The following RANBP2 variants were observed in gnomAD, a reference collection of about 807,000 sequenced individuals.
The protein encoded by RANBP2 is E3 SUMO-protein ligase RanBP2.
In RANBP2, 57 loss-of-function variants were observed where a neutral mutation model predicts 303.6. The ratio of observed to expected loss-of-function variants is 0.19; its 90% CI spans 0.15 to 0.23. The LOEUF is 0.23. Ranked by LOEUF, RANBP2 falls within the 10% of genes least tolerant of loss-of-function variation. The pLI is 1.00. For missense variants in RANBP2, 3,138 were observed against 3,780.8 expected, an observed-to-expected ratio of 0.83 and a Z score of 4.46; for synonymous variants, 1,167 against 1,301.5, an observed-to-expected ratio of 0.90 and a Z score of 2.23.
At chr2:108,890,045 C>G in the RANBP2 span, among the ~76,000 whole-genome samples, 4 of 151,936 alleles carry the variant, frequency 2.6e-5, no homozygotes, top group Non-Finnish European at 5.9e-5. Flanking sequence ...TAATGAATTC[C>G]CTCAGCATTT....
chr2:109,588,107 G>A, the RANBP2 span, among the ~76,000 whole-genome samples: 13 of 149,690 alleles, frequency 8.7e-5, no homozygotes, highest in African/African-American at 2.5e-4. Flanking sequence ...AATGCCCCCC[G>A]CCAAAAAAAA....
chr2:108,764,582 T>C lies in RANBP2; in HGVS notation c.4043T>C (p.Val1348Ala). 1 of 1,613,950 alleles carries C rather than the reference T, an allele frequency of 6.2e-7. No homozygotes were observed. The highest frequency in any genetic ancestry group is 8.5e-7 in the Non-Finnish European group (1 of 1,179,952). The change falls in exon 20 of 29, where the codon GTT (valine) becomes GCT (alanine). Residue 1348 changes from valine to alanine, a missense_variant. By Grantham distance (64) the Val-to-Ala change is moderately conservative. Around this residue, in one of 20 missense-constraint regions of RANBP2, gnomAD observed 388 missense variants for 328.5 expected, o/e 1.18. Transcript: ENST00000283195. Reference sequence around the variant, plus strand: ...GGAAACCTGAATTTTGAATTTCAGGTTGCAAAGAAAGAAGGGTCTTGGTGG... The same window carrying C: ...GGAAACCTGAATTTTGAATTTCAGGCTGCAAAGAAAGAAGGGTCTTGGTGG... ...DAGNLNFEFQ[V>A]AKKEGSWWHC...
chr2:109,493,470 T>C, the RANBP2 span, among the ~76,000 whole-genome samples: 2 of 149,690 alleles, frequency 1.3e-5, no homozygotes, highest in Non-Finnish European at 3.0e-5. Flanking sequence ...ACACTATACA[T>C]ACAAACACAT....
chr2:109,315,413 T>C, the RANBP2 span, among the ~76,000 whole-genome samples: 1 of 152,236 alleles, frequency 6.6e-6, no homozygotes, highest in Non-Finnish European at 1.5e-5. Context: ...TCTGTCCCTA[T>C]CTCTGTAGGA....
At position 108,765,262 on chromosome 2, in the gene RANBP2, T is replaced by A. The variant is rs1426621829; in HGVS notation, c.4723T>A (p.Ser1575Thr). Residue 1575 changes from serine to threonine, a missense_variant, in exon 20 of 29, where the codon TCT becomes ACT. By Grantham distance (58) the Ser-to-Thr change is moderately conservative. Transcript: ENST00000283195. ...TCAGAATCCGGATAAACCAAGTCCA[T>A]CTACTTCTGTTCCAGCTCCTGCCTC... ...ACQNPDKPSP[S>T]TSVPAPASFK... 6.2e-7 allele frequency: 1 copy of A among 1,613,146 alleles called. No individual in the cohort carries two copies. Among genetic ancestry groups the A allele is most frequent in the Admixed American group, 1.7e-5 (1 of 59,940 alleles).
At chr2:109,025,362 A>C in the RANBP2 span, among the ~76,000 whole-genome samples, 2 of 152,212 alleles carry the variant, frequency 1.3e-5, no homozygotes, top group Non-Finnish European at 2.9e-5. Flanking sequence ...GTATATATTA[A>C]GGAGTGGAGT....
At chr2:108,995,280 C>T in the RANBP2 span, among the ~76,000 whole-genome samples, 5 of 152,174 alleles carry the variant, frequency 3.3e-5, no homozygotes, top group Non-Finnish European at 5.9e-5. Context: ...CCCACCTTGG[C>T]TTCCCAAGTT....
chr2:109,490,825 C>T, the RANBP2 span: 2 of 1,536,886 alleles, frequency 1.3e-6, no homozygotes, highest in African/African-American at 2.7e-5. Flanking sequence ...GGGATGGAGC[C>T]TCTGCACAGG....
At chr2:108,795,810 C>G in the RANBP2 span, among the ~76,000 whole-genome samples, 1 of 151,996 alleles carries the variant, frequency 6.6e-6, no homozygotes, top group African/African-American at 2.4e-5. Flanking sequence ...ATTAGCCTGT[C>G]TGGAAGAAAG....
At chr2:109,375,365 C>T in the RANBP2 span, among the ~76,000 whole-genome samples, 6 of 152,228 alleles carry the variant, frequency 3.9e-5, no homozygotes, top group African/African-American at 7.2e-5. Context: ...CTCCCTGACA[C>T]CTGTTCATCA....
At chr2:109,230,318 G>A in the RANBP2 span, among the ~76,000 whole-genome samples, 2 of 152,120 alleles carry the variant, frequency 1.3e-5, no homozygotes, top group African/African-American at 2.4e-5. Flanking sequence ...CCTCACGCCT[G>A]TAAACCCAGC....
At chr2:109,419,630 T>A in the RANBP2 span, 1 of 1,581,570 alleles carries the variant, frequency 6.3e-7, no homozygotes, top group East Asian at 2.3e-5. Context: ...AAGGTCCAGC[T>A]GCCCCTCAAC....
At chr2:109,500,783 T>A in the RANBP2 span, among the ~76,000 whole-genome samples, 25 of 151,896 alleles carry the variant, frequency 1.6e-4, no homozygotes, top group African/African-American at 5.8e-4. Flanking sequence ...ACCCCATCTC[T>A]ACAAAAAAAA....
the RANBP2 span, among the ~76,000 whole-genome samples, chr2:108,936,164 C>T: frequency 6.6e-6 from 1 of 152,264 alleles, no homozygotes; most frequent in Non-Finnish European, 1.5e-5. Flanking sequence ...AAAAGCTTCT[C>T]CCTGAAAGGG....
At chr2:108,915,996 T>C in the RANBP2 span, among the ~76,000 whole-genome samples, 1 of 152,150 alleles carries the variant, frequency 6.6e-6, no homozygotes, top group Non-Finnish European at 1.5e-5. Flanking sequence ...CAACAGAGCG[T>C]TCCCCCTCAC....
the RANBP2 span, among the ~76,000 whole-genome samples, chr2:109,426,292 G>T: frequency 3.3e-5 from 5 of 152,172 alleles, no homozygotes; most frequent in South Asian, 4.1e-4. Context: ...AAACCTTTTG[G>T]AAAGGATTCA....
chr2:108,968,583 G>A, the RANBP2 span, among the ~76,000 whole-genome samples: 65 of 152,324 alleles, frequency 4.3e-4, no homozygotes, highest in African/African-American at 1.6e-3. Context: ...TGACCAGTCT[G>A]TCTGTGGCGC....
chr2:109,016,386 G>C, the RANBP2 span, among the ~76,000 whole-genome samples: 1 of 152,042 alleles, frequency 6.6e-6, no homozygotes, highest in Non-Finnish European at 1.5e-5. Flanking sequence ...CGCGCCGGGT[G>C]GATAGGTGGT....
the RANBP2 span, among the ~76,000 whole-genome samples, chr2:109,097,753 G>A: frequency 2.6e-5 from 4 of 151,446 alleles, no homozygotes; most frequent in African/African-American, 9.7e-5. Context: ...GTGTGTGTGT[G>A]TGTGTGTGTG....
Sources: gnomAD v4.1 joint callset for allele counts (sites outside exome capture counted in the v4.1 genomes callset) on GRCh38, gnomAD v4.1.1 for gene constraint, gnomAD v4.1.1 regional missense constraint, MANE v1.5 for transcripts, NCBI Gene and HGNC (gene_info 2026-07-23, HGNC 2026-07-21) for gene names.